Variants in CUL5 observed in about 807,000 individuals in gnomAD.
The protein encoded by CUL5 is cullin 5, also known as cullin-5.
Under a neutral mutation model 108.8 loss-of-function variants are expected in CUL5, and 26 were observed. That is an observed-to-expected ratio of 0.24 (90% confidence interval 0.18 to 0.33). The LOEUF (loss-of-function observed/expected upper bound fraction) is 0.33. CUL5 is among the 10% of genes least tolerant of loss of function. CUL5 has a pLI of 1.00. For synonymous variants in CUL5, 334 were observed against 298.0 expected (o/e 1.12, Z -1.25); for missense variants, 524 against 909.2 (o/e 0.58, Z 5.45).
In CUL5 at chr11:108,098,254, T is replaced by C. The variant is rs140141300; in HGVS notation, c.2025-152T>C. The stretch of plus-strand genomic sequence containing the variant: ...TTAAGGAAAATACATAGAGTTTGTT[T>C]TAAAGCAATATGTAGGTTATTTGTC... On this transcript the variant is annotated intron_variant, in intron 17 of 18. Coordinates refer to ENST00000393094, the MANE Select transcript of CUL5 (RefSeq NM_003478.6). The C allele has an allele frequency of 3.6e-4, 223 of 618,436 alleles. 1 individual carries two copies. In the East Asian group the frequency reaches 7.4e-3, roughly 21 times the overall value. 38.3% of individuals were successfully genotyped at this position (618,436 alleles called of 1,614,324 possible). A position where few individuals can be genotyped will look rare whatever the true frequency, so the allele number is the denominator to read the frequency against.
Position 108,054,927 on chromosome 11 carries a change from CAA to C in CUL5, c.753_754del (p.Arg252ThrfsTer4). The C allele has an allele frequency of 6.2e-7, 1 of 1,607,866 alleles. No homozygotes were observed. The highest frequency in any genetic ancestry group is 8.5e-7 in the Non-Finnish European group (1 of 1,178,352). On this transcript the variant is annotated frameshift_variant, in exon 7 of 19. Coordinates refer to ENST00000393094, the MANE Select transcript of CUL5 (RefSeq NM_003478.6). LOFTEE classifies it high-confidence loss of function. ...AAACGAGCACTACGTTATTTAGAAA[CAA>C]GACGAGAATGTAACTCCGTTGAAGC...
chr11:108,103,218 A>G (rs558356845), intron 18 of CUL5, among the ~76,000 whole-genome samples: 6 of 152,362 alleles, frequency 3.9e-5, no homozygotes, highest in African/African-American at 4.8e-5. Context: ...GAAATCATCA[A>G]GAAAAATTTT....
At chr11:108,077,378 G>A (rs573349415) in intron 10 of CUL5, among the ~76,000 whole-genome samples, 7 of 152,324 alleles carry the variant, frequency 4.6e-5, no homozygotes, top group Admixed American at 6.5e-5. Context: ...TGGGTGTGGT[G>A]GCTTACGCCT....
chr11:108,062,505 A>G (rs1863561953), intron 7 of CUL5, among the ~76,000 whole-genome samples: 1 of 149,418 alleles, frequency 6.7e-6, no homozygotes, highest in African/African-American at 2.4e-5. Context: ...ATTAATGAAT[A>G]TTAATAATTG....
At chr11:108,010,091 A>G (rs574465333) in intron 1 of CUL5, among the ~76,000 whole-genome samples, 1 of 152,398 alleles carries the variant, frequency 6.6e-6, no homozygotes, top group African/African-American at 2.4e-5. Flanking sequence ...ATCTAGGCCC[A>G]CAGGGGCAGA....
At chr11:108,067,207 C>T (rs1863705849) in intron 7 of CUL5, among the ~76,000 whole-genome samples, 1 of 152,174 alleles carries the variant, frequency 6.6e-6, no homozygotes, top group Non-Finnish European at 1.5e-5. Context: ...AAGCATTTAG[C>T]ATAATGCCTG....
At chr11:108,034,042 GT>G (rs1591285504) in intron 2 of CUL5, 131 bp downstream of exon 2, 2 of 612,552 alleles carry the variant, frequency 3.3e-6, no homozygotes, top group Non-Finnish European at 5.8e-6. Flanking sequence ...TACATTGAGG[GT>G]CTCCAAGACC....
chr11:108,020,015 C>T (rs1862290040), intron 1 of CUL5, among the ~76,000 whole-genome samples: 1 of 152,082 alleles, frequency 6.6e-6, no homozygotes, highest in Admixed American at 6.6e-5. Flanking sequence ...TGAGAACTCA[C>T]TCACTGCTCA....
At chr11:108,089,034 T>G (rs1376221140) in intron 12 of CUL5, among the ~76,000 whole-genome samples, 1 of 152,062 alleles carries the variant, frequency 6.6e-6, no homozygotes, top group Non-Finnish European at 1.5e-5. Context: ...GAGAGTAGAT[T>G]AAGTAGTTGT....
intron 11 of CUL5, among the ~76,000 whole-genome samples, chr11:108,082,084 G>GT (rs1864101279): frequency 6.6e-6 from 1 of 151,986 alleles, no homozygotes. Context: ...CTTTTTATTT[G>GT]TTTTTTGTTT....
At chr11:108,080,550 C>T (rs1034705104) in intron 11 of CUL5, among the ~76,000 whole-genome samples, 1 of 152,148 alleles carries the variant, frequency 6.6e-6, no homozygotes, top group Admixed American at 6.5e-5. Context: ...TGTGTGCCAC[C>T]ACGCCCAGCT....
At chr11:108,015,692 T>C (rs1862168825) in intron 1 of CUL5, among the ~76,000 whole-genome samples, 2 of 152,180 alleles carry the variant, frequency 1.3e-5, no homozygotes, top group African/African-American at 4.8e-5. Context: ...ACTGTAAAAC[T>C]TTGTGATACA....
chr11:108,075,129 A>G (rs1863912779), intron 10 of CUL5, among the ~76,000 whole-genome samples: 1 of 152,186 alleles, frequency 6.6e-6, no homozygotes. Flanking sequence ...TAAATAATTC[A>G]ATTAAGTGAT....
intron 3 of CUL5, among the ~76,000 whole-genome samples, chr11:108,048,399 A>G (rs913686260): frequency 6.6e-6 from 1 of 152,204 alleles, no homozygotes; most frequent in Non-Finnish European, 1.5e-5. Flanking sequence ...ATGCAGCAGC[A>G]GTGGGCTGTT....
chr11:108,091,190 T>C (rs1864348248), intron 13 of CUL5, among the ~76,000 whole-genome samples: 2 of 152,080 alleles, frequency 1.3e-5, no homozygotes, highest in Admixed American at 1.3e-4. Flanking sequence ...TAGCTGGGAC[T>C]ACAGGTTTGT....
chr11:108,072,233 TC>T, intron 8 of CUL5, 98 bp from the exon 9 acceptor site: 1 of 976,202 alleles, frequency 1.0e-6, no homozygotes, highest in South Asian at 2.2e-5. Flanking sequence ...TGGCATTGTA[TC>T]CACAGAATAC....
chr11:108,068,634 T>G (rs1449598145), intron 7 of CUL5, among the ~76,000 whole-genome samples: 1 of 152,090 alleles, frequency 6.6e-6, no homozygotes, highest in East Asian at 1.9e-4. Context: ...AATTTACAGA[T>G]AGATGATTTG....
chr11:108,101,347 A>C (rs1052053645), intron 18 of CUL5, among the ~76,000 whole-genome samples: 1 of 152,208 alleles, frequency 6.6e-6, no homozygotes, highest in Admixed American at 6.5e-5. Context: ...GCTATGAAGT[A>C]GTTGATTATC....
At chr11:108,017,807 G>A (rs1253628138) in intron 1 of CUL5, among the ~76,000 whole-genome samples, 2 of 152,016 alleles carry the variant, frequency 1.3e-5, no homozygotes, top group African/African-American at 4.8e-5. Flanking sequence ...TGTTTATGCT[G>A]CTGCACTCTA....
Sources: allele counts gnomAD v4.1 joint callset (sites outside exome capture counted in the v4.1 genomes callset), GRCh38; gene constraint gnomAD v4.1.1; transcripts MANE v1.5; gene names NCBI Gene and HGNC (gene_info 2026-07-23, HGNC 2026-07-21).